Variants in LGR4 observed in about 807,000 individuals in gnomAD.
The protein encoded by LGR4 is leucine-rich repeat-containing G protein-coupled receptor 4.
LGR4 carries 44 observed loss-of-function variants against 84.8 expected under a neutral mutation model. The observed-to-expected ratio is 0.52, with a 90% CI of 0.41 to 0.67. LGR4 has a LOEUF of 0.67. Ranked by LOEUF, LGR4 falls within the 30% of genes least tolerant of loss-of-function variation. The pLI, the probability that LGR4 is intolerant of heterozygous loss-of-function variation, is 0.00. For synonymous variants in LGR4, 429 were observed against 434.3 expected, an observed-to-expected ratio of 0.99 and a Z score of 0.15; for missense variants, 1,032 against 1,131.4, an observed-to-expected ratio of 0.91 and a Z score of 1.26.
At chr11:27,443,588 C>G (rs988856852) in intron 1 of LGR4, among the ~76,000 whole-genome samples, 1 of 152,088 alleles carries the variant, frequency 6.6e-6, no homozygotes, top group Non-Finnish European at 1.5e-5. Flanking sequence ...TGAATCCATA[C>G]GCAAGGAGCT....
intron 3 of LGR4, 62 bp from the exon 4 acceptor site, chr11:27,391,227 T>C: frequency 1.4e-6 from 1 of 728,606 alleles, no homozygotes. Flanking sequence ...CTTAGAAAAA[T>C]TCAGAGCCTT....
At chr11:27,385,779 T>C (rs1331808204) in intron 4 of LGR4, among the ~76,000 whole-genome samples, 4 of 149,440 alleles carry the variant, frequency 2.7e-5, no homozygotes, top group Non-Finnish European at 5.9e-5. Context: ...AAAGTTCATA[T>C]TGAAATTATG....
chr11:27,393,770 G>A (rs1863329196), intron 2 of LGR4, among the ~76,000 whole-genome samples: 1 of 151,986 alleles, frequency 6.6e-6, no homozygotes, highest in South Asian at 2.1e-4. Flanking sequence ...AGGGATACAA[G>A]AAAGACACTT....
intron 2 of LGR4, among the ~76,000 whole-genome samples, chr11:27,401,758 C>A (rs1183640613): frequency 6.6e-6 from 1 of 152,072 alleles, no homozygotes; most frequent in Non-Finnish European, 1.5e-5. Context: ...TGTCTTAACC[C>A]CTCCCTCAAT....
At chr11:27,373,882 C>G in intron 14 of LGR4, 93 bp downstream of exon 14, 1 of 1,107,520 alleles carries the variant, frequency 9.0e-7, no homozygotes, top group Non-Finnish European at 1.4e-6. Flanking sequence ...AATAACTAAA[C>G]AGAAAAATAT....
chr11:27,428,745 CTTTTTTTT>C (rs1864067651), intron 1 of LGR4, among the ~76,000 whole-genome samples: 2 of 151,792 alleles, frequency 1.3e-5, no homozygotes, highest in South Asian at 4.2e-4. Context: ...TTCTTTCTTT[CTTTTTTTT>C]GTTTTTTTAC....
chr11:27,373,725 TA>T (rs1336755670), intron 14 of LGR4, 49 bp from the exon 15 acceptor site: 9 of 1,464,076 alleles, frequency 6.1e-6, no homozygotes, highest in Non-Finnish European at 8.3e-6. Context: ...ATAAATCACA[TA>T]AAAACATCTG....
At chr11:27,463,861 T>C (rs1324855879) in intron 1 of LGR4, among the ~76,000 whole-genome samples, 1 of 152,242 alleles carries the variant, frequency 6.6e-6, no homozygotes, top group Non-Finnish European at 1.5e-5. Context: ...TGTTCCCTTC[T>C]TATGAACTCT....
rs1311723196 is a variant in LGR4 at position 27,438,477 on chromosome 11, C to CA, written c.186-25618dup. 4.6e-5 allele frequency among the ~76,000 whole-genome samples: 7 copies of CA among 152,244 alleles called. No homozygotes were observed. The East Asian group carries it at 1.4e-3, about 29-fold the overall frequency. ...GCCAGGGATGGTGTTAAGCCTCCTA[C>CA]AATGCCTAAGACAGACCCTATGATG... On this transcript the variant is annotated intron_variant, in intron 1 of 17. Transcript: ENST00000379214.
chr11:27,378,246 G>A (rs185479475), intron 11 of LGR4, among the ~76,000 whole-genome samples: 5 of 152,216 alleles, frequency 3.3e-5, no homozygotes, highest in East Asian at 1.9e-4. Flanking sequence ...GTTTATTCTG[G>A]AGACATTTTT....
At chr11:27,382,048 C>T in intron 7 of LGR4, 140 bp downstream of exon 7, 1 of 630,350 alleles carries the variant, frequency 1.6e-6, no homozygotes, top group South Asian at 2.1e-5. Context: ...CACAATCCAA[C>T]TTTATGATTA....
At position 27,432,182 on chromosome 11, in the gene LGR4, G is replaced by T. The variant is rs12804815; in HGVS notation, c.186-19322C>A. The stretch of plus-strand genomic sequence containing the variant: ...AGGAGCACTAACCCTACTTAAGATG[G>T]GCTAGTCTTTACAATTCCCTAAATC... On this transcript the variant is annotated intron_variant, in intron 1 of 17. Transcript: ENST00000379214. Among the ~76,000 whole-genome samples the T allele has an allele frequency of 5.0e-3, 762 of 152,190 alleles. 3 individuals carry two copies. The highest frequency in any genetic ancestry group is 8.1e-3 in the Non-Finnish European group (554 of 68,020).
intron 4 of LGR4, among the ~76,000 whole-genome samples, chr11:27,390,783 A>T (rs544329469): frequency 6.6e-6 from 1 of 152,298 alleles, no homozygotes; most frequent in South Asian, 2.1e-4. Context: ...AAGGCACAAG[A>T]CACTAAAACT....
intron 3 of LGR4, 121 bp downstream of exon 3, chr11:27,392,326 A>T: frequency 1.4e-6 from 1 of 724,044 alleles, no homozygotes; most frequent in Non-Finnish European, 2.2e-6. Flanking sequence ...CTCACTGGCC[A>T]CTCCTTAAAT....
rs531765674 is a variant in LGR4, at chr11:27,431,635, T to C, written c.186-18775A>G. 2.6e-5 allele frequency among the ~76,000 whole-genome samples: 4 copies of C among 152,346 alleles called. No homozygotes were observed. The South Asian group carries it at 8.3e-4, about 32-fold the overall frequency. On this transcript the variant is annotated intron_variant, in intron 1 of 17. Transcript: ENST00000379214. The stretch of plus-strand genomic sequence containing the variant: ...GGTTTGCTCTTCCTTCTGTTTTTCT[T>C]CTTCCATGACTCTTGGGTCACTATC...
intron 1 of LGR4, among the ~76,000 whole-genome samples, chr11:27,466,149 C>T (rs1174281570): frequency 6.6e-6 from 1 of 152,154 alleles, no homozygotes; most frequent in Non-Finnish European, 1.5e-5. Context: ...CTCTAAGTTA[C>T]ATTACTTTTA....
chr11:27,468,692 T>C (rs1052133949), intron 1 of LGR4, among the ~76,000 whole-genome samples: 8 of 124,326 alleles, frequency 6.4e-5, no homozygotes, highest in African/African-American at 1.0e-4. Context: ...GATGAGGAAA[T>C]TGTCACGAGA....
chr11:27,471,558 C>A (rs1311579097), intron 1 of LGR4, among the ~76,000 whole-genome samples: 5 of 152,222 alleles, frequency 3.3e-5, no homozygotes, highest in Non-Finnish European at 7.3e-5. Flanking sequence ...GACGCACTAC[C>A]TGGATGGGGC....
At position 27,472,178 on chromosome 11, in the gene LGR4, T is replaced by C. The variant is rs1864889757; in HGVS notation, c.125A>G (p.Asp42Gly). ...GGCCGTCAGCCCCTTCCCGGAGCAG[T>C]CCACCCGACGGTCGCCGTCGCAGCT... ...PCSCDGDRRV[D>G]CSGKGLTAVP... The change falls in exon 1 of 18, where the codon GAC becomes GGC. Residue 42 changes from aspartate (D) to glycine (G), a missense_variant. Asp to Gly is a moderately conservative substitution (Grantham distance 94). Transcript: ENST00000379214. 8.0e-7 allele frequency: 1 copy of C among 1,244,136 alleles called. No individual in the cohort carries two copies. The highest frequency in any genetic ancestry group is 1.0e-6 in the Non-Finnish European group (1 of 979,054). 77.1% of individuals were successfully genotyped at this position (1,244,136 alleles called of 1,614,324 possible).
Sources: gnomAD v4.1 joint callset for allele counts (sites outside exome capture counted in the v4.1 genomes callset) on GRCh38, gnomAD v4.1.1 for gene constraint, MANE v1.5 for transcripts, NCBI Gene and HGNC (gene_info 2026-07-23, HGNC 2026-07-21) for gene names.